Variants in UNC5D observed in about 807,000 individuals in gnomAD.
UNC5D encodes the protein unc-5 netrin receptor D.
A neutral mutation model predicts 105.4 loss-of-function variants in UNC5D; 39 were observed. The observed-to-expected ratio is 0.37, with a 90% CI of 0.29 to 0.48. The LOEUF is 0.48. Among genes scored for constraint, UNC5D ranks in the 20% least tolerant of loss-of-function variants. The pLI is 0.98. For synonymous variants in UNC5D, 452 were observed against 450.4 expected, an observed-to-expected ratio of 1.00 and a Z score of -0.04; for missense variants, 991 against 1,202.4, an observed-to-expected ratio of 0.82 and a Z score of 2.60.
intron 1 of UNC5D, among the ~76,000 whole-genome samples, chr8:35,364,318 A>G (rs1291334017): frequency 6.6e-6 from 1 of 151,924 alleles, no homozygotes; most frequent in Non-Finnish European, 1.5e-5. Context: ...TTCAGTTTTC[A>G]TTGCTGTCAT....
chr8:35,544,452 T>C, intron 1 of UNC5D: 2 of 1,613,942 alleles, frequency 1.2e-6, no homozygotes, highest in Non-Finnish European at 1.7e-6. Flanking sequence ...GGGTGGATGA[T>C]CCTGGTGTTA....
intron 1 of UNC5D, among the ~76,000 whole-genome samples, chr8:35,529,903 G>C (rs1379346870): frequency 1.3e-5 from 2 of 149,456 alleles, no homozygotes; most frequent in African/African-American, 5.0e-5. Context: ...TTTGTATCCT[G>C]AGACTTTGCT....
chr8:35,488,664 G>C (rs1393367280), intron 1 of UNC5D, among the ~76,000 whole-genome samples: 2 of 152,148 alleles, frequency 1.3e-5, no homozygotes, highest in East Asian at 3.8e-4. Flanking sequence ...TCTCTGCTGT[G>C]TTTCAGACTT....
At chr8:35,486,065 A>T (rs1181194563) in intron 1 of UNC5D, among the ~76,000 whole-genome samples, 1 of 152,174 alleles carries the variant, frequency 6.6e-6, no homozygotes, top group East Asian at 1.9e-4. Flanking sequence ...TACCTTTGAC[A>T]GTTATGGATT....
chr8:35,506,234 G>A (rs1205310055), intron 1 of UNC5D, among the ~76,000 whole-genome samples: 4 of 152,114 alleles, frequency 2.6e-5, no homozygotes, highest in Admixed American at 2.6e-4. Context: ...AGATAGCTGC[G>A]GTAGCTTCTG....
At chr8:35,271,668 GGTATACATATATATGTATACATGTA>G (rs1805358585) in intron 1 of UNC5D, among the ~76,000 whole-genome samples, 1 of 55,900 alleles carries the variant, frequency 1.8e-5, no homozygotes, top group East Asian at 4.4e-4. Flanking sequence ...TATTTATACA[GGTATACATATATATGTATACATGTA>G]TACATGTATA....
chr8:35,527,599 G>A (rs1043989536), intron 1 of UNC5D, among the ~76,000 whole-genome samples: 2 of 152,048 alleles, frequency 1.3e-5, no homozygotes. Flanking sequence ...CTGGAGTGCA[G>A]TGGCATGATC....
Position 35,568,231 on chromosome 8 carries a change from G to T in UNC5D, c.456G>T (p.Val152=). 6.2e-7 allele frequency: 1 copy of T among 1,614,098 alleles called. No individual in the cohort carries two copies. Among genetic ancestry groups the T allele is most frequent in the Middle Eastern group, 1.6e-4 (1 of 6,062 alleles). Residue 152 remains valine, a synonymous_variant, in exon 3 of 17, where the codon GTG becomes GTT. Transcript: ENST00000404895. ...LGTSKSRKAS[V]RIAYLRKNFE... Reference sequence around the variant, plus strand: ...CCTCCAAGAGCAGGAAGGCCTCTGTGCGCATAGCCTGTAAGTACATTCTGG... The same window carrying T: ...CCTCCAAGAGCAGGAAGGCCTCTGTTCGCATAGCCTGTAAGTACATTCTGG...
intron 4 of UNC5D, among the ~76,000 whole-genome samples, chr8:35,615,733 T>G (rs1186191525): frequency 6.6e-6 from 1 of 152,150 alleles, no homozygotes; most frequent in South Asian, 2.1e-4. Flanking sequence ...CTCTTCAGGA[T>G]AGGAAATGCA....
chr8:35,704,065 TA>T (rs199596460), intron 7 of UNC5D, among the ~76,000 whole-genome samples: 3 of 151,638 alleles, frequency 2.0e-5, no homozygotes, highest in Non-Finnish European at 2.9e-5. Flanking sequence ...CCTGACTATG[TA>T]AAAAAAAATC....
At chr8:35,277,422 T>G (rs1805850628) in intron 1 of UNC5D, among the ~76,000 whole-genome samples, 1 of 152,220 alleles carries the variant, frequency 6.6e-6, no homozygotes, top group African/African-American at 2.4e-5. Flanking sequence ...TGATAATTCT[T>G]TTTCTGTGTC....
chr8:35,488,697 T>C (rs1321959211), intron 1 of UNC5D, among the ~76,000 whole-genome samples: 1 of 152,222 alleles, frequency 6.6e-6, no homozygotes, highest in African/African-American at 2.4e-5. Flanking sequence ...CATATTCTGC[T>C]TTCCTGTTTG....
rs143172537 is a variant in UNC5D at position 35,314,652 on chromosome 8, G to A, written c.103+78765G>A. The stretch of plus-strand genomic sequence containing the variant: ...ACAGACGTTTATTTAAAGACATTTC[G>A]AACCTTCAAACATAAATAATTTTGT... On this transcript the variant is annotated intron_variant, in intron 1 of 16. Coordinates refer to ENST00000404895, the MANE Select transcript of UNC5D (RefSeq NM_080872.4). Among the ~76,000 whole-genome samples, 626 of 152,208 alleles carry A rather than the reference G, an allele frequency of 4.1e-3. 6 individuals are homozygous for A. Among genetic ancestry groups the A allele is most frequent in the African/African-American group, 0.014 (586 of 41,562 alleles).
intron 1 of UNC5D, among the ~76,000 whole-genome samples, chr8:35,337,730 T>G (rs893034007): frequency 6.6e-6 from 1 of 152,006 alleles, no homozygotes; most frequent in Non-Finnish European, 1.5e-5. Flanking sequence ...TATGCAACTA[T>G]AGACTGACTC....
chr8:35,787,756 T>C (rs1802814489), intron 16 of UNC5D, among the ~76,000 whole-genome samples: 1 of 152,158 alleles, frequency 6.6e-6, no homozygotes, highest in African/African-American at 2.4e-5. Context: ...TAGCTGGGAC[T>C]ACAGGTGTGC....
At chr8:35,457,035 C>G (rs997477448) in intron 1 of UNC5D, among the ~76,000 whole-genome samples, 1 of 152,152 alleles carries the variant, frequency 6.6e-6, no homozygotes, top group Non-Finnish European at 1.5e-5. Context: ...TGTCCTTGAG[C>G]AAGTTTCTTA....
At chr8:35,711,149 A>C (rs1283637374) in intron 8 of UNC5D, among the ~76,000 whole-genome samples, 1 of 148,948 alleles carries the variant, frequency 6.7e-6, no homozygotes, top group East Asian at 2.0e-4. Flanking sequence ...CATGTATATG[A>C]TCTGGTCCCG....
At chr8:35,502,564 TG>T (rs1430695563) in intron 1 of UNC5D, among the ~76,000 whole-genome samples, 2 of 152,152 alleles carry the variant, frequency 1.3e-5, no homozygotes, top group Admixed American at 6.5e-5. Flanking sequence ...TTTGTTTGTT[TG>T]TTTTCTTTTT....
chr8:35,323,861 T>C (rs1427173114), intron 1 of UNC5D, among the ~76,000 whole-genome samples: 1 of 152,122 alleles, frequency 6.6e-6, no homozygotes, highest in Non-Finnish European at 1.5e-5. Context: ...GGTTGGTTAT[T>C]CATTTTCGTT....
Sources: allele counts gnomAD v4.1 joint callset (sites outside exome capture counted in the v4.1 genomes callset), GRCh38; gene constraint gnomAD v4.1.1; transcripts MANE v1.5; gene names NCBI Gene and HGNC (gene_info 2026-07-23, HGNC 2026-07-21).